Variants in GLIS1 observed in about 807,000 individuals in gnomAD.
GLIS1 encodes zinc finger protein GLIS1.
GLIS1 carries 24 observed loss-of-function variants against 63.8 expected under a neutral mutation model. The ratio of observed to expected loss-of-function variants is 0.38; its 90% confidence interval spans 0.27 to 0.53. GLIS1 has a LOEUF of 0.53. GLIS1 is among the 20% of genes least tolerant of loss of function. The probability of loss-of-function intolerance (pLI) is 0.85; values close to 1 mark genes in which losing one functional copy is unlikely to be tolerated. For synonymous variants in GLIS1, 450 were observed against 482.5 expected (o/e 0.93, Z 0.88); for missense variants, 1,036 against 1,074.1 (o/e 0.96, Z 0.50).
chr1:53,558,270 T>C (rs1644852657), intron 4 of GLIS1, among the ~76,000 whole-genome samples: 1 of 152,238 alleles, frequency 6.6e-6, no homozygotes, highest in Non-Finnish European at 1.5e-5. Context: ...CCAAGGGTCA[T>C]GCTGAGAGTC....
intron 2 of GLIS1, among the ~76,000 whole-genome samples, chr1:53,670,088 C>T (rs1246185684): frequency 6.6e-6 from 1 of 152,204 alleles, no homozygotes; most frequent in Non-Finnish European, 1.5e-5. Flanking sequence ...GCTCAGCAGC[C>T]ACAACCCAGG....
intron 2 of GLIS1, among the ~76,000 whole-genome samples, chr1:53,672,285 C>A (rs958372862): frequency 1.3e-5 from 2 of 152,208 alleles, no homozygotes; most frequent in African/African-American, 4.8e-5. Flanking sequence ...GGTCTGGCCT[C>A]CATCACCTTG....
chr1:53,509,307 G>A lies in GLIS1; in HGVS notation c.2063-20C>T, dbSNP rs1424823216. The A allele has an allele frequency of 6.5e-7, 1 of 1,548,860 alleles. No individual in the cohort carries two copies. The highest frequency in any genetic ancestry group is 2.4e-5 in the East Asian group (1 of 41,858). On this transcript the variant is annotated intron_variant, in intron 9 of 10. Transcript: ENST00000628545. ...GGTAACCTGCAGACGGGGGTAGCAG[G>A]GGCCGCGTTCACAAAGGAGAAGTGC... is the stretch of plus-strand genomic sequence containing the variant.
chr1:53,538,785 T>G (rs766684507), intron 4 of GLIS1, among the ~76,000 whole-genome samples: 1 of 152,134 alleles, frequency 6.6e-6, no homozygotes, highest in Non-Finnish European at 1.5e-5. Flanking sequence ...AGGAACACAC[T>G]GACAGCTCTG....
intron 7 of GLIS1, among the ~76,000 whole-genome samples, chr1:53,516,754 A>G (rs1053289492): frequency 2.6e-5 from 4 of 151,786 alleles, no homozygotes; most frequent in Admixed American, 6.6e-5. Flanking sequence ...CGGAGGTTGC[A>G]GTGAGCCGAG....
At chr1:53,532,266 G>A (rs72895222) in intron 4 of GLIS1, among the ~76,000 whole-genome samples, 248 of 152,354 alleles carry the variant, frequency 1.6e-3, no homozygotes, top group African/African-American at 5.6e-3. Context: ...CAGTTCCAGA[G>A]GAGGGTCACC....
chr1:53,635,034 G>C (rs1211835725), intron 2 of GLIS1, among the ~76,000 whole-genome samples: 1 of 151,572 alleles, frequency 6.6e-6, no homozygotes, highest in Non-Finnish European at 1.5e-5. Context: ...GTTGCATGTA[G>C]AGTCAACAGA....
chr1:53,570,920 G>A (rs3013760), intron 4 of GLIS1, among the ~76,000 whole-genome samples: 14,117 of 152,034 alleles, frequency 0.093, 1,330 homozygotes, highest in East Asian at 0.36. Flanking sequence ...TTTTACTGCA[G>A]ACACAAAAAT....
chr1:53,674,324 A>G (rs1172887707), intron 2 of GLIS1, among the ~76,000 whole-genome samples: 1 of 152,208 alleles, frequency 6.6e-6, no homozygotes, highest in Non-Finnish European at 1.5e-5. Flanking sequence ...CCTGCTAGAA[A>G]TCCAAATTCT....
At position 53,728,642 on chromosome 1, in the gene GLIS1, A is replaced by G. The variant is rs116015880; in HGVS notation, c.259+9164T>C. ...CTTTGTGCTGGACACAAGAATACAAAGATGAATCTTTGAATATTATCTATT... is the reference window on the plus strand; with the variant it reads ...CTTTGTGCTGGACACAAGAATACAAGGATGAATCTTTGAATATTATCTATT... On this transcript the variant is annotated intron_variant, in intron 2 of 10. Transcript: ENST00000628545. Among the ~76,000 whole-genome samples, 388 of 152,354 alleles carry G rather than the reference A, an allele frequency of 2.5e-3. 1 individual carries two copies. Among genetic ancestry groups the G allele is most frequent in the African/African-American group, 8.9e-3 (372 of 41,586 alleles).
At chr1:53,621,259 C>T (rs1408768759) in intron 2 of GLIS1, among the ~76,000 whole-genome samples, 1 of 152,230 alleles carries the variant, frequency 6.6e-6, no homozygotes, top group Admixed American at 6.5e-5. Context: ...TTCTGTATCC[C>T]CCCCAAGTCT....
At chr1:53,601,545 G>A (rs1645318007) in intron 2 of GLIS1, among the ~76,000 whole-genome samples, 1 of 152,152 alleles carries the variant, frequency 6.6e-6, no homozygotes, top group Non-Finnish European at 1.5e-5. Context: ...GCCTGTGCAG[G>A]ACCAGGGCTG....
At chr1:53,623,022 T>C (rs1645562177) in intron 2 of GLIS1, among the ~76,000 whole-genome samples, 1 of 152,230 alleles carries the variant, frequency 6.6e-6, no homozygotes, top group Admixed American at 6.5e-5. Flanking sequence ...AATTAACACA[T>C]GACTGTGATA....
At chr1:53,702,300 A>G (rs1646532153) in intron 2 of GLIS1, among the ~76,000 whole-genome samples, 1 of 152,226 alleles carries the variant, frequency 6.6e-6, no homozygotes, top group Non-Finnish European at 1.5e-5. Context: ...AAATGGGGAT[A>G]AGAATAGAAC....
At chr1:53,676,199 C>G (rs950709200) in intron 2 of GLIS1, among the ~76,000 whole-genome samples, 3 of 152,200 alleles carry the variant, frequency 2.0e-5, no homozygotes, top group African/African-American at 7.2e-5. Flanking sequence ...GGATACCCCA[C>G]CCCACAGGCC....
chr1:53,654,361 G>A (rs556107362), intron 2 of GLIS1, among the ~76,000 whole-genome samples: 25 of 152,262 alleles, frequency 1.6e-4, no homozygotes, highest in Non-Finnish European at 2.9e-4. Context: ...AGCCATAGGC[G>A]GTGAGAGGAG....
intron 4 of GLIS1, among the ~76,000 whole-genome samples, chr1:53,546,068 T>C (rs1273854513): frequency 6.6e-6 from 1 of 152,192 alleles, no homozygotes; most frequent in Non-Finnish European, 1.5e-5. Flanking sequence ...ATGGTGACAG[T>C]GGTGTGCCTG....
chr1:53,703,832 C>T (rs1007638883), intron 2 of GLIS1, among the ~76,000 whole-genome samples: 8 of 152,144 alleles, frequency 5.3e-5, no homozygotes, highest in Non-Finnish European at 1.2e-4. Flanking sequence ...GCCGGGAAGG[C>T]TTTCCAGCCC....
intron 6 of GLIS1, among the ~76,000 whole-genome samples, chr1:53,521,939 G>C (rs544381309): frequency 1.3e-5 from 2 of 152,372 alleles, no homozygotes; most frequent in South Asian, 4.1e-4. Context: ...CAGACCCAGA[G>C]AGGGTGAGAG....
Sources: allele counts gnomAD v4.1 joint callset (sites outside exome capture counted in the v4.1 genomes callset), GRCh38; gene constraint gnomAD v4.1.1; transcripts MANE v1.5; gene names NCBI Gene and HGNC (gene_info 2026-07-23, HGNC 2026-07-21).